The following ST8SIA6 variants were observed in gnomAD, a reference collection of about 807,000 sequenced individuals.
The protein encoded by ST8SIA6 is alpha-2,8-sialyltransferase 8F.
In ST8SIA6, 39 loss-of-function variants were observed where a neutral mutation model predicts 33.6. The ratio of observed to expected loss-of-function variants is 1.16; its 90% CI spans 0.90 to 1.52. The LOEUF (loss-of-function observed/expected upper bound fraction) is 1.52. Ranked by LOEUF, ST8SIA6 falls within the 40% of genes most tolerant of loss-of-function variation. ST8SIA6 has a pLI of 0.00. For synonymous variants in ST8SIA6, 172 were observed against 167.2 expected, an observed-to-expected ratio of 1.03 and a Z score of -0.22; for missense variants, 441 against 443.8, an observed-to-expected ratio of 0.99 and a Z score of 0.06.
intron 3 of ST8SIA6, among the ~76,000 whole-genome samples, chr10:17,380,759 G>A (rs185520602): frequency 1.3e-5 from 2 of 148,598 alleles, no homozygotes; most frequent in East Asian, 4.1e-4. Flanking sequence ...ATGTGTTCAT[G>A]TTTGTGTGTA....
At chr10:17,445,876 A>G (rs1011219562) in intron 2 of ST8SIA6, among the ~76,000 whole-genome samples, 7 of 152,164 alleles carry the variant, frequency 4.6e-5, no homozygotes, top group Non-Finnish European at 7.3e-5. Flanking sequence ...GTCACGTACC[A>G]TTCCTGGCAG....
At chr10:17,401,996 A>T (rs984877385) in intron 2 of ST8SIA6, among the ~76,000 whole-genome samples, 5 of 152,212 alleles carry the variant, frequency 3.3e-5, no homozygotes, top group African/African-American at 1.2e-4. Context: ...TGAAGAGGCA[A>T]CCTACAGAAT....
chr10:17,392,992 A>T (rs1411855607), intron 2 of ST8SIA6, among the ~76,000 whole-genome samples: 3 of 152,230 alleles, frequency 2.0e-5, no homozygotes, highest in African/African-American at 7.2e-5. Context: ...TTGAATCAAC[A>T]GACTGAGTAA....
chr10:17,413,702 T>G (rs991531063), intron 2 of ST8SIA6, among the ~76,000 whole-genome samples: 24 of 152,208 alleles, frequency 1.6e-4, no homozygotes, highest in African/African-American at 5.5e-4. Context: ...TCTTCAATGG[T>G]CATAAATCTA....
Position 17,323,172 on chromosome 10 carries a change from GA to G in ST8SIA6, c.636-16del. 1 of 1,604,774 alleles carries G rather than the reference GA, an allele frequency of 6.2e-7. No homozygotes were observed. The highest frequency in any genetic ancestry group is 1.7e-4 in the Middle Eastern group (1 of 5,894). On this transcript the variant is annotated splice_polypyrimidine_tract_variant and intron_variant, in intron 6 of 7. Transcript: ENST00000377602. ...GTAGGTTACACCTGAAATTTGAAAA[GA>G]AAATCATTTTCAAAATAGAACTTGT...
At chr10:17,446,936 T>C (rs977128433) in intron 2 of ST8SIA6, among the ~76,000 whole-genome samples, 25 of 146,338 alleles carry the variant, frequency 1.7e-4, no homozygotes, top group African/African-American at 6.4e-4. Flanking sequence ...TATTCCCAGC[T>C]ACTTGGGAGG....
chr10:17,360,927 G>GAAC (rs1849363932), intron 3 of ST8SIA6, among the ~76,000 whole-genome samples: 6 of 149,744 alleles, frequency 4.0e-5, no homozygotes, highest in Non-Finnish European at 5.9e-5. Context: ...AAGGGAAGAA[G>GAAC]AAGAGGAAAA....
chr10:17,438,445 CAA>C (rs906142568), intron 2 of ST8SIA6, among the ~76,000 whole-genome samples: 2 of 151,922 alleles, frequency 1.3e-5, no homozygotes, highest in South Asian at 2.1e-4. Context: ...GGAGATTATT[CAA>C]AGAGTCTGTT....
intron 2 of ST8SIA6, among the ~76,000 whole-genome samples, chr10:17,396,561 C>G (rs779190494): frequency 6.6e-6 from 1 of 152,132 alleles, no homozygotes; most frequent in Non-Finnish European, 1.5e-5. Flanking sequence ...GACTTTCCTT[C>G]TCAGAGAAAG....
chr10:17,414,027 C>A (rs1285009237), intron 2 of ST8SIA6, among the ~76,000 whole-genome samples: 1 of 152,134 alleles, frequency 6.6e-6, no homozygotes, highest in Non-Finnish European at 1.5e-5. Flanking sequence ...ATGCCCAATA[C>A]ACGCCTCCTA....
chr10:17,431,903 T>G (rs1270790020), intron 2 of ST8SIA6, among the ~76,000 whole-genome samples: 1 of 150,866 alleles, frequency 6.6e-6, no homozygotes, highest in Non-Finnish European at 1.5e-5. Context: ...GAAATATATG[T>G]GGTGTCATAT....
At chr10:17,432,744 T>C (rs751112050) in intron 2 of ST8SIA6, among the ~76,000 whole-genome samples, 2 of 152,220 alleles carry the variant, frequency 1.3e-5, no homozygotes, top group African/African-American at 4.8e-5. Flanking sequence ...GTGGACGAAC[T>C]GTAACCTAGC....
intron 3 of ST8SIA6, among the ~76,000 whole-genome samples, chr10:17,372,719 C>G (rs1175606049): frequency 6.6e-6 from 1 of 152,052 alleles, no homozygotes; most frequent in Non-Finnish European, 1.5e-5. Flanking sequence ...GGTTAGTTAC[C>G]CATGACTATG....
chr10:17,401,130 C>A (rs1851023199), intron 2 of ST8SIA6, among the ~76,000 whole-genome samples: 1 of 152,028 alleles, frequency 6.6e-6, no homozygotes. Flanking sequence ...TTCTTATACA[C>A]CAATAACAGA....
At chr10:17,412,097 C>A (rs1485475048) in intron 2 of ST8SIA6, among the ~76,000 whole-genome samples, 3 of 152,044 alleles carry the variant, frequency 2.0e-5, no homozygotes, top group African/African-American at 7.2e-5. Flanking sequence ...TACCCCCACT[C>A]CAGCTGAAGA....
At chr10:17,422,569 G>A (rs927515728) in intron 2 of ST8SIA6, among the ~76,000 whole-genome samples, 4 of 152,132 alleles carry the variant, frequency 2.6e-5, no homozygotes, top group Non-Finnish European at 5.9e-5. Context: ...TGCCAATCCT[G>A]TACTGAACAG....
At chr10:17,384,278 CTCGTAAGTA>C (rs1024831551) in intron 3 of ST8SIA6, among the ~76,000 whole-genome samples, 3 of 152,196 alleles carry the variant, frequency 2.0e-5, no homozygotes, top group Non-Finnish European at 4.4e-5. Flanking sequence ...ATTCACGAAA[CTCGTAAGTA>C]TTTGATGGCA....
intron 4 of ST8SIA6, among the ~76,000 whole-genome samples, chr10:17,343,789 G>T (rs1425300799): frequency 6.6e-6 from 1 of 152,146 alleles, no homozygotes; most frequent in Admixed American, 6.6e-5. Context: ...GAAAGTGCCC[G>T]GAAAGAGAGA....
intron 2 of ST8SIA6, among the ~76,000 whole-genome samples, chr10:17,446,199 C>G (rs1044060303): frequency 2.6e-5 from 4 of 152,096 alleles, no homozygotes; most frequent in Admixed American, 2.0e-4. Context: ...ACAGAGGACT[C>G]CTCACTTGAG....
Sources: allele counts gnomAD v4.1 joint callset (sites outside exome capture counted in the v4.1 genomes callset), GRCh38; gene constraint gnomAD v4.1.1; transcripts MANE v1.5; gene names NCBI Gene and HGNC (gene_info 2026-07-23, HGNC 2026-07-21).